The following SGPP1 variants were observed in gnomAD, a reference collection of about 807,000 sequenced individuals.
SGPP1 encodes sphingosine-1-phosphate phosphatase 1.
Under a neutral mutation model 33.0 loss-of-function variants are expected in SGPP1, and 21 were observed. The ratio of observed to expected loss-of-function variants is 0.64; its 90% CI spans 0.45 to 0.92. The LOEUF (loss-of-function observed/expected upper bound fraction) is 0.92, where lower values mean the gene tolerates loss of function less well. Ranked by LOEUF, SGPP1 falls within the 40% of genes least tolerant of loss-of-function variation. The pLI, the probability that SGPP1 is intolerant of heterozygous loss-of-function variation, is 0.00. For missense variants in SGPP1, 543 were observed against 589.4 expected (o/e 0.92, Z 0.81); for synonymous variants, 239 against 241.2 (o/e 0.99, Z 0.08).
At chr14:63,707,053 A>AC in intron 1 of SGPP1, among the ~76,000 whole-genome samples, 1 of 151,378 alleles carries the variant, frequency 6.6e-6, no homozygotes, top group East Asian at 1.9e-4. Flanking sequence ...AAAAAAAAAA[A>AC]AAAAAAAACT....
At chr14:63,705,432 C>T (rs972935239) in intron 1 of SGPP1, among the ~76,000 whole-genome samples, 1 of 151,308 alleles carries the variant, frequency 6.6e-6, no homozygotes, top group African/African-American at 2.4e-5. Context: ...CTTTGGGGGG[C>T]CGAGGTGGGC....
At chr14:63,690,952 T>C (rs1885082458) in intron 2 of SGPP1, among the ~76,000 whole-genome samples, 1 of 152,140 alleles carries the variant, frequency 6.6e-6, no homozygotes, top group African/African-American at 2.4e-5. Flanking sequence ...TGACCTCAGG[T>C]AATCTGTCCA....
Position 63,686,245 on chromosome 14 carries a change from T to C in SGPP1, c.1186A>G (p.Asn396Asp). The change falls in exon 3 of 3, where the codon AAT (asparagine) becomes GAT (aspartate). Residue 396 changes from asparagine (N) to aspartate (D), a missense_variant. Transcript: ENST00000247225. ...TTTCGAATATCATCACACGGTATAT[T>C]GAAGATTTTGCAGGCTAAAGGAATG... is the stretch of plus-strand genomic sequence containing the variant. Reference protein sequence around the residue: ...ITIPLACKIFNIPCDDIRKAR... With the variant: ...ITIPLACKIFDIPCDDIRKAR... 3 of 1,614,172 alleles carry C rather than the reference T, an allele frequency of 1.9e-6. No individual in the cohort carries two copies. Among genetic ancestry groups the C allele is most frequent in the Non-Finnish European group, 2.5e-6 (3 of 1,180,036 alleles).
chr14:63,691,007 G>A (rs1885083540), intron 2 of SGPP1, among the ~76,000 whole-genome samples: 1 of 152,106 alleles, frequency 6.6e-6, no homozygotes, highest in Non-Finnish European at 1.5e-5. Flanking sequence ...AAGCCACCAT[G>A]CCCAGCCATG....
At chr14:63,718,613 C>CA (rs1171283240) in intron 1 of SGPP1, among the ~76,000 whole-genome samples, 1 of 151,828 alleles carries the variant, frequency 6.6e-6, no homozygotes, top group Non-Finnish European at 1.5e-5. Context: ...TATACTGTTG[C>CA]AAGGTTCTGA....
At chr14:63,722,783 T>C (rs1339026868) in intron 1 of SGPP1, among the ~76,000 whole-genome samples, 1 of 151,132 alleles carries the variant, frequency 6.6e-6, no homozygotes, top group Non-Finnish European at 1.5e-5. Flanking sequence ...CTAAGCAACA[T>C]GGCAAAACCC....
intron 2 of SGPP1, among the ~76,000 whole-genome samples, chr14:63,693,883 C>T (rs2149675): frequency 6.6e-6 from 1 of 152,208 alleles, no homozygotes; most frequent in Non-Finnish European, 1.5e-5. Context: ...TAGGCGTGGG[C>T]TGCTGTGCCC....
At chr14:63,689,252 C>A (rs1885046487) in intron 2 of SGPP1, among the ~76,000 whole-genome samples, 1 of 152,068 alleles carries the variant, frequency 6.6e-6, no homozygotes, top group Admixed American at 6.5e-5. Flanking sequence ...ACTCTGCATT[C>A]CTCCCTGGAG....
chr14:63,685,727 T>C lies in SGPP1; in HGVS notation c.*378A>G, dbSNP rs1456082481. On this transcript the variant is annotated 3_prime_UTR_variant, in exon 3 of 3. Transcript: ENST00000247225. ...AACTGTTTGCATATTATTATTGATT[T>C]TATAATACACTCCCATAGTTTAAAA... 1 of 150,800 alleles carries C rather than the reference T, an allele frequency of 6.6e-6. No homozygotes were observed. The highest frequency in any genetic ancestry group is 1.5e-5 in the Non-Finnish European group (1 of 67,682). 9.3% of individuals were successfully genotyped at this position (150,800 alleles called of 1,614,324 possible).
chr14:63,694,008 A>C (rs572035424), intron 2 of SGPP1, among the ~76,000 whole-genome samples: 2 of 152,250 alleles, frequency 1.3e-5, no homozygotes, highest in African/African-American at 4.8e-5. Context: ...GGCCAGGCAC[A>C]GTGGCTCATG....
At chr14:63,717,498 A>G (rs1284791547) in intron 1 of SGPP1, among the ~76,000 whole-genome samples, 1 of 151,898 alleles carries the variant, frequency 6.6e-6, no homozygotes, top group African/African-American at 2.4e-5. Context: ...ATTTTTTTGC[A>G]TTTTTAGTAG....
At position 63,728,031 on chromosome 14, in the gene SGPP1, C is replaced by A; in HGVS notation, c.-87G>T. 2 of 1,385,140 alleles carry A rather than the reference C, an allele frequency of 1.4e-6. No individual in the cohort carries two copies. Among genetic ancestry groups the A allele is most frequent in the Non-Finnish European group, 1.9e-6 (2 of 1,065,448 alleles). 85.8% of individuals were successfully genotyped at this position (1,385,140 alleles called of 1,614,324 possible). A position where few individuals can be genotyped will look rare whatever the true frequency, so the allele number is the denominator to read the frequency against. ...TCCTGGCCAGCGGCAGCGGAACCGG[C>A]ACAGCGCTCTACCCTCCGGAGTCTG... On this transcript the variant is annotated 5_prime_UTR_variant, in exon 1 of 3. Transcript: ENST00000247225.
intron 2 of SGPP1, among the ~76,000 whole-genome samples, chr14:63,697,154 C>T (rs1885203536): frequency 6.6e-6 from 1 of 152,046 alleles, no homozygotes; most frequent in Non-Finnish European, 1.5e-5. Context: ...AACAAATCTG[C>T]TTATGTACCC....
At chr14:63,709,408 C>G (rs1282870696) in intron 1 of SGPP1, among the ~76,000 whole-genome samples, 1 of 151,532 alleles carries the variant, frequency 6.6e-6, no homozygotes, top group Admixed American at 6.6e-5. Context: ...TTCTATCCCT[C>G]TCTCTTTACA....
rs777566908 is a variant in SGPP1 at position 63,727,978 on chromosome 14, C to A, written c.-34G>T. ...AACCCCCGGGAAGGCGGGCCGGCCTCCGGCGCAGCCCCGAACTGTCCCCGC... is the reference window on the plus strand; with the variant it reads ...AACCCCCGGGAAGGCGGGCCGGCCTACGGCGCAGCCCCGAACTGTCCCCGC... On this transcript the variant is annotated 5_prime_UTR_variant, in exon 1 of 3. Coordinates refer to ENST00000247225, the MANE Select transcript of SGPP1 (RefSeq NM_030791.4). 4 of 1,522,034 alleles carry A rather than the reference C, an allele frequency of 2.6e-6. No individual in the cohort carries two copies. In the South Asian group the frequency reaches 4.8e-5, roughly 18 times the overall value. The allele number at this position is 1,522,034 out of a possible 1,614,324, so 94.3% of individuals were successfully genotyped here.
At position 63,686,539 on chromosome 14, in the gene SGPP1, G is replaced by A. The variant is rs1197792323; in HGVS notation, c.892C>T (p.Leu298Phe). The A allele has an allele frequency of 1.2e-6, 2 of 1,613,844 alleles. No individual in the cohort carries two copies. The highest frequency in any genetic ancestry group is 1.7e-5 in the Admixed American group (1 of 59,988). ...HKYAPFIIIG[L>F]HLALGIFSFT... ...GAAAAGATCCCCAAAGCTAAATGAA[G>A]CCCGATGATGATGAATGGAGCATAT... The change falls in exon 3 of 3, where the codon CTT (leucine) becomes TTT (phenylalanine). Residue 298 changes from leucine (L) to phenylalanine (F), a missense_variant. Transcript: ENST00000247225.
intron 1 of SGPP1, among the ~76,000 whole-genome samples, chr14:63,723,144 C>T (rs933668867): frequency 3.9e-5 from 6 of 151,926 alleles, no homozygotes; most frequent in Non-Finnish European, 5.9e-5. Flanking sequence ...GGAAAAGGAA[C>T]GTCATATTGT....
At chr14:63,697,560 T>A (rs575291987) in intron 2 of SGPP1, among the ~76,000 whole-genome samples, 1 of 152,298 alleles carries the variant, frequency 6.6e-6, no homozygotes, top group East Asian at 1.9e-4. Flanking sequence ...AACACACAGT[T>A]GCTGTTCTCA....
chr14:63,688,756 C>G (rs563995296), intron 2 of SGPP1, among the ~76,000 whole-genome samples: 112 of 144,306 alleles, frequency 7.8e-4, no homozygotes, highest in African/African-American at 2.8e-3. Context: ...GAGTCTCGCT[C>G]TGTTGCCCAG....
Sources: gnomAD v4.1 joint callset for allele counts (sites outside exome capture counted in the v4.1 genomes callset) on GRCh38, gnomAD v4.1.1 for gene constraint, MANE v1.5 for transcripts, NCBI Gene and HGNC (gene_info 2026-07-23, HGNC 2026-07-21) for gene names.